Variants in TNNI3K observed in about 807,000 individuals in gnomAD.
The protein encoded by TNNI3K is TNNI3 interacting kinase.
In TNNI3K, 140 loss-of-function variants were observed where a neutral mutation model predicts 114.5. The ratio of observed to expected loss-of-function variants is 1.22; its 90% confidence interval spans 1.07 to 1.41. TNNI3K has a LOEUF of 1.41. Among genes scored for constraint, TNNI3K ranks in the 40% most tolerant of loss-of-function variants. TNNI3K has a pLI of 0.00. For synonymous variants in TNNI3K, 347 were observed against 347.5 expected, an observed-to-expected ratio of 1.00 and a Z score of 0.02; for missense variants, 1,125 against 1,007.6, an observed-to-expected ratio of 1.12 and a Z score of -1.58.
intron 20 of TNNI3K, among the ~76,000 whole-genome samples, chr1:74,451,935 G>C (rs1424449945): frequency 2.6e-5 from 4 of 151,530 alleles, no homozygotes; most frequent in Non-Finnish European, 5.9e-5. Context: ...GTTTTTGACT[G>C]TTCTTTCTTG....
At chr1:74,533,991 C>T (rs916742380) in intron 23 of TNNI3K, among the ~76,000 whole-genome samples, 7 of 152,122 alleles carry the variant, frequency 4.6e-5, no homozygotes, top group Admixed American at 2.0e-4. Context: ...GCAAGTCATT[C>T]GAACTTTCTG....
At chr1:74,446,053 C>T (rs1188314159) in intron 20 of TNNI3K, among the ~76,000 whole-genome samples, 1 of 151,686 alleles carries the variant, frequency 6.6e-6, no homozygotes, top group African/African-American at 2.4e-5. Context: ...GGGTATATAC[C>T]CAGTAATGGG....
chr1:74,380,427 C>T (rs1444651250), intron 17 of TNNI3K, among the ~76,000 whole-genome samples: 2 of 152,122 alleles, frequency 1.3e-5, no homozygotes, highest in East Asian at 3.9e-4. Context: ...TCACACGGTG[C>T]GAATGCTCAA....
At chr1:74,460,313 G>T (rs190680282) in intron 20 of TNNI3K, among the ~76,000 whole-genome samples, 1 of 151,648 alleles carries the variant, frequency 6.6e-6, no homozygotes, top group Non-Finnish European at 1.5e-5. Flanking sequence ...GTGATCTGCC[G>T]CCTCGGCCTC....
chr1:74,485,833 T>C (rs933648292), intron 21 of TNNI3K, among the ~76,000 whole-genome samples: 1 of 152,120 alleles, frequency 6.6e-6, no homozygotes, highest in African/African-American at 2.4e-5. Context: ...GGGCAACAGA[T>C]GGCAAGAAAA....
chr1:74,529,608 T>C (rs746306945), intron 23 of TNNI3K, among the ~76,000 whole-genome samples: 1 of 152,304 alleles, frequency 6.6e-6, no homozygotes, highest in Middle Eastern at 3.4e-3. Context: ...AATGATTGTA[T>C]TTTGGTTATG....
intron 5 of TNNI3K, among the ~76,000 whole-genome samples, chr1:74,317,277 G>C (rs1481644320): frequency 6.6e-6 from 1 of 152,146 alleles, no homozygotes; most frequent in Non-Finnish European, 1.5e-5. Flanking sequence ...AATCTGAGTA[G>C]GTGTTAGTCA....
chr1:74,329,750 A>T (rs7530832), intron 5 of TNNI3K, among the ~76,000 whole-genome samples: 2,295 of 152,150 alleles, frequency 0.015, 51 homozygotes, highest in African/African-American at 0.05. Flanking sequence ...TGACCTGGAA[A>T]AATTTCTTAA....
chr1:74,422,595 G>C (rs1195564588), intron 17 of TNNI3K, among the ~76,000 whole-genome samples: 2 of 151,998 alleles, frequency 1.3e-5, no homozygotes, highest in Non-Finnish European at 2.9e-5. Flanking sequence ...CAAACTTCAA[G>C]TGCCTGAGTT....
At chr1:74,336,313 A>G (rs1660460855) in intron 7 of TNNI3K, among the ~76,000 whole-genome samples, 164 bp downstream of exon 7, 1 of 152,138 alleles carries the variant, frequency 6.6e-6, no homozygotes, top group Non-Finnish European at 1.5e-5. Context: ...TATCAGGCCT[A>G]CATGCGAATC....
Position 74,267,426 on chromosome 1 carries a change from A to G in TNNI3K, c.334-4172A>G, listed in dbSNP as rs571967757. ...CTATGGAAAGTCAGAAGTGAAGTAC[A>G]GACGTTGGAGTCCAACAGACCTGGG... On this transcript the variant is annotated intron_variant, in intron 4 of 24. Transcript: ENST00000326637. 1.0e-3 allele frequency among the ~76,000 whole-genome samples: 158 copies of G among 152,054 alleles called. 1 individual carries two copies. The South Asian group carries it at 0.032, about 31-fold the overall frequency.
At position 74,490,183 on chromosome 1, in the gene TNNI3K, C is replaced by T. The variant is rs187483727; in HGVS notation, c.2181+935C>T. Among the ~76,000 whole-genome samples, 405 of 151,128 alleles carry T rather than the reference C, an allele frequency of 2.7e-3. 3 individuals are homozygous for T. Among genetic ancestry groups the T allele is most frequent in the African/African-American group, 9.0e-3 (372 of 41,236 alleles). ...TCTTTGCTGGAATTTCTAAAGAAAA[C>T]TTTTGTGTAAAAAGAAGCTTCAGTG... On this transcript the variant is annotated intron_variant, in intron 22 of 24. Transcript: ENST00000326637.
chr1:74,495,041 C>T (rs142190705), intron 23 of TNNI3K, among the ~76,000 whole-genome samples: 6 of 152,306 alleles, frequency 3.9e-5, no homozygotes, highest in Non-Finnish European at 7.4e-5. Flanking sequence ...TTTCAAAAAA[C>T]CTACATGCTG....
In TNNI3K at chr1:74,534,254, T is replaced by C. The variant is rs1012658187; in HGVS notation, c.2352-5980T>C. 2.6e-5 allele frequency among the ~76,000 whole-genome samples: 4 copies of C among 152,266 alleles called. 1 individual carries two copies. In the East Asian group the frequency reaches 5.8e-4, roughly 22 times the overall value. ...TTCAAGCCATGTAAAATAGTATACGTCTGTTATAATTCACCAAATCAAAGT... is the reference window on the plus strand; with the variant it reads ...TTCAAGCCATGTAAAATAGTATACGCCTGTTATAATTCACCAAATCAAAGT... On this transcript the variant is annotated intron_variant, in intron 23 of 24. Coordinates refer to ENST00000326637, the MANE Select transcript of TNNI3K (RefSeq NM_015978.3).
intron 11 of TNNI3K, among the ~76,000 whole-genome samples, chr1:74,364,109 C>T (rs1007036522): frequency 6.6e-6 from 1 of 150,424 alleles, no homozygotes; most frequent in East Asian, 2.0e-4. Context: ...AAGTGATTCT[C>T]CCACCTCAGG....
chr1:74,405,959 G>A (rs959181653), intron 17 of TNNI3K, among the ~76,000 whole-genome samples: 3 of 152,164 alleles, frequency 2.0e-5, no homozygotes, highest in Non-Finnish European at 4.4e-5. Flanking sequence ...CAAATTTAGT[G>A]CATTAAAGCA....
chr1:74,396,127 A>G (rs1664068020), intron 17 of TNNI3K, among the ~76,000 whole-genome samples: 1 of 152,182 alleles, frequency 6.6e-6, no homozygotes, highest in South Asian at 2.1e-4. Flanking sequence ...GGATCCCCTA[A>G]CATGCTTGCC....
intron 4 of TNNI3K, among the ~76,000 whole-genome samples, chr1:74,252,679 C>T (rs992414352): frequency 3.3e-5 from 5 of 151,978 alleles, no homozygotes; most frequent in Non-Finnish European, 5.9e-5. Flanking sequence ...TGCAGACCCT[C>T]GCAGTGAGTG....
intron 23 of TNNI3K, among the ~76,000 whole-genome samples, chr1:74,495,204 C>T (rs1290350650): frequency 6.6e-6 from 1 of 152,132 alleles, no homozygotes; most frequent in Non-Finnish European, 1.5e-5. Flanking sequence ...ATGGCATTTC[C>T]CTGAGGATTT....
Sources: allele counts gnomAD v4.1 joint callset (sites outside exome capture counted in the v4.1 genomes callset), GRCh38; gene constraint gnomAD v4.1.1; transcripts MANE v1.5; gene names NCBI Gene and HGNC (gene_info 2026-07-23, HGNC 2026-07-21).